The following MTARC2 variants were observed in gnomAD, a reference collection of about 807,000 sequenced individuals.
MTARC2 encodes MOCO sulphurase C-terminal domain containing 2.
MTARC2 carries 27 observed loss-of-function variants against 35.6 expected under a neutral mutation model. The observed-to-expected ratio is 0.76, with a 90% CI of 0.56 to 1.04. The LOEUF (loss-of-function observed/expected upper bound fraction) is 1.04, where lower values mean the gene tolerates loss of function less well. Among genes scored for constraint, MTARC2 ranks in the 50% least tolerant of loss-of-function variants. The pLI is 0.00. For synonymous variants in MTARC2, 158 were observed against 167.1 expected (o/e 0.95, Z 0.42); for missense variants, 412 against 432.5 (o/e 0.95, Z 0.42).
At chr1:220,755,566 C>A (rs1356642632) in intron 2 of MTARC2, among the ~76,000 whole-genome samples, 1 of 152,112 alleles carries the variant, frequency 6.6e-6, no homozygotes, top group Non-Finnish European at 1.5e-5. Context: ...CTAGTTTGAA[C>A]AATTTCAGCA....
chr1:220,769,000 T>TTG (rs1376936431), intron 4 of MTARC2, among the ~76,000 whole-genome samples: 1 of 152,188 alleles, frequency 6.6e-6, no homozygotes, highest in African/African-American at 2.4e-5. Context: ...CTCCAGTGAT[T>TTG]AAAACAGGAG....
chr1:220,763,951 G>C (rs763425032), intron 4 of MTARC2, among the ~76,000 whole-genome samples: 11 of 152,180 alleles, frequency 7.2e-5, no homozygotes, highest in Non-Finnish European at 1.0e-4. Context: ...TGTAACTCCA[G>C]CATCTGTAGA....
intron 1 of MTARC2, among the ~76,000 whole-genome samples, chr1:220,750,778 A>T (rs185882879): frequency 4.6e-5 from 7 of 152,210 alleles, no homozygotes. Context: ...AGAATGAAGG[A>T]GTATCCCATC....
chr1:220,771,752 G>C (rs565387943), intron 4 of MTARC2, among the ~76,000 whole-genome samples: 2 of 152,064 alleles, frequency 1.3e-5, no homozygotes, highest in African/African-American at 2.4e-5. Flanking sequence ...AGGGCCTCTC[G>C]GGGGGTGGGG....
At chr1:220,760,160 T>G (rs1671402609) in intron 2 of MTARC2, among the ~76,000 whole-genome samples, 1 of 152,192 alleles carries the variant, frequency 6.6e-6, no homozygotes, top group Admixed American at 6.5e-5. Context: ...GGCTTTTGTC[T>G]GTCCACCCCA....
At chr1:220,778,572 G>A (rs1671983268) in intron 4 of MTARC2, among the ~76,000 whole-genome samples, 1 of 152,206 alleles carries the variant, frequency 6.6e-6, no homozygotes, top group African/African-American at 2.4e-5. Context: ...ACCTCCAACA[G>A]TAGGGATGAC....
At chr1:220,761,962 G>A (rs1359929141) in intron 3 of MTARC2, 142 bp downstream of exon 3, 2 of 827,932 alleles carry the variant, frequency 2.4e-6, no homozygotes, top group East Asian at 2.5e-5. Flanking sequence ...TGAGGGCACA[G>A]CCTAGGCAGA....
rs541835799 is a variant in MTARC2 at position 220,755,413 on chromosome 1, C to T, written c.446+293C>T. Among the ~76,000 whole-genome samples the T allele has an allele frequency of 1.1e-4, 17 of 152,242 alleles. 1 individual carries two copies. Among genetic ancestry groups the T allele is most frequent in the Admixed American group, 2.0e-4 (3 of 15,282 alleles). ...ACAGATTCTCTAGAAACTGGAGGCA[C>T]GCTACGCCACGCAAGGCCAAGTGGG... On this transcript the variant is annotated intron_variant, in intron 2 of 7. Transcript: ENST00000366913.
At chr1:220,748,923 C>A in intron 1 of MTARC2, 120 bp downstream of exon 1, 2 of 1,283,090 alleles carry the variant, frequency 1.6e-6, no homozygotes, top group Non-Finnish European at 2.0e-6. Flanking sequence ...AGTTTCTGGG[C>A]TGACTGTTGG....
At chr1:220,776,856 GCTGGGTCGGCTTCCATTC>G (rs1671931307) in intron 4 of MTARC2, among the ~76,000 whole-genome samples, 2 of 152,198 alleles carry the variant, frequency 1.3e-5, no homozygotes, top group Non-Finnish European at 2.9e-5. Context: ...GCACAGCGCG[GCTGGGTCGGCTTCCATTC>G]CTGGGTCCGC....
chr1:220,761,241 C>T lies in MTARC2; in HGVS notation c.447-417C>T, dbSNP rs377249395. Among the ~76,000 whole-genome samples, 12 of 152,292 alleles carry T rather than the reference C, an allele frequency of 7.9e-5. No individual in the cohort carries two copies. The East Asian group carries it at 1.3e-3, about 17-fold the overall frequency. The stretch of plus-strand genomic sequence containing the variant: ...TATGGTCACAGAACTAGAGAATGGC[C>T]GAGTTCCAATTTGACCCAGGTCTGT... On this transcript the variant is annotated intron_variant, in intron 2 of 7. Coordinates refer to ENST00000366913, the MANE Select transcript of MTARC2 (RefSeq NM_017898.5).
chr1:220,770,656 A>G lies in MTARC2; in HGVS notation c.750+7606A>G, dbSNP rs1031026258. The G allele has an allele frequency of 6.8e-6, 5 of 738,188 alleles. No individual in the cohort carries two copies. In the Admixed American group the frequency reaches 2.5e-4, roughly 37 times the overall value. The allele number at this position is 738,188 out of a possible 1,614,324, so 45.7% of individuals were successfully genotyped here. On this transcript the variant is annotated intron_variant, in intron 4 of 7. Coordinates refer to ENST00000366913, the MANE Select transcript of MTARC2 (RefSeq NM_017898.5). ...ACTGCATGGACAAAGTGTGCTGAAAAGCAGTCCAGCACAGCCCAGGCTACT... is the reference window on the plus strand; with the variant it reads ...ACTGCATGGACAAAGTGTGCTGAAAGGCAGTCCAGCACAGCCCAGGCTACT...
chr1:220,748,443 C>A lies in MTARC2; in HGVS notation c.-89C>A. On this transcript the variant is annotated 5_prime_UTR_variant, in exon 1 of 8. In the 5' UTR this introduces an upstream ATG that the reference lacks. Transcript: ENST00000366913. The stretch of plus-strand genomic sequence containing the variant: ...TTGGGTCAACTTTGACTCCTCTCGC[C>A]TGCCCGGATCCTTAAGGGCCTCCTC... The A allele has an allele frequency of 7.8e-7, 1 of 1,279,160 alleles. No individual in the cohort carries two copies. The highest frequency in any genetic ancestry group is 2.2e-5 in the South Asian group (1 of 45,928). 79.2% of individuals were successfully genotyped at this position (1,279,160 alleles called of 1,614,324 possible).
chr1:220,753,911 G>C (rs755076210), intron 1 of MTARC2, among the ~76,000 whole-genome samples: 6 of 152,044 alleles, frequency 3.9e-5, no homozygotes, highest in Non-Finnish European at 5.9e-5. Flanking sequence ...TTAGCTGGGC[G>C]TGGTGGTACA....
intron 4 of MTARC2, among the ~76,000 whole-genome samples, chr1:220,774,914 T>C (rs1489053347): frequency 6.6e-6 from 1 of 152,036 alleles, no homozygotes; most frequent in Non-Finnish European, 1.5e-5. Context: ...TGTGTGGATA[T>C]AGCCATGCAA....
Position 220,762,901 on chromosome 1 carries a change from C to A in MTARC2, c.610-9C>A. 1 of 1,614,024 alleles carries A rather than the reference C, an allele frequency of 6.2e-7. No individual in the cohort carries two copies. Among genetic ancestry groups the A allele is most frequent in the Non-Finnish European group, 8.5e-7 (1 of 1,179,972 alleles). ...TGGTGGGGCCTGACTATCCTGTGTTCTTGGCAAGGTGGCCTACCCAGACTA... is the reference window on the plus strand; with the variant it reads ...TGGTGGGGCCTGACTATCCTGTGTTATTGGCAAGGTGGCCTACCCAGACTA... On this transcript the variant is annotated splice_polypyrimidine_tract_variant and intron_variant, in intron 3 of 7. Transcript: ENST00000366913.
At chr1:220,778,518 T>A (rs1275859785) in intron 4 of MTARC2, among the ~76,000 whole-genome samples, 1 of 152,142 alleles carries the variant, frequency 6.6e-6, no homozygotes, top group Non-Finnish European at 1.5e-5. Context: ...AAACCATTCA[T>A]GAAAGATCCA....
chr1:220,756,769 A>T (rs1408260213), intron 2 of MTARC2, among the ~76,000 whole-genome samples: 1 of 152,212 alleles, frequency 6.6e-6, no homozygotes, highest in Non-Finnish European at 1.5e-5. Flanking sequence ...TTTTTCCCCC[A>T]AGGCTCTTTA....
At chr1:220,778,131 A>G (rs894173740) in intron 4 of MTARC2, among the ~76,000 whole-genome samples, 10 of 151,356 alleles carry the variant, frequency 6.6e-5, no homozygotes, top group Non-Finnish European at 1.5e-4. Flanking sequence ...CATCTCAGCT[A>G]CTCAGGAGGC....
Sources: gnomAD v4.1 joint callset for allele counts (sites outside exome capture counted in the v4.1 genomes callset) on GRCh38, gnomAD v4.1.1 for gene constraint, MANE v1.5 for transcripts, NCBI Gene and HGNC (gene_info 2026-07-23, HGNC 2026-07-21) for gene names.